TMCC1: variants seen among roughly 807,000 people sequenced by gnomAD.
TMCC1 encodes transmembrane and coiled-coil domains protein 1.
A neutral mutation model predicts 52.4 loss-of-function variants in TMCC1; 15 were observed. That is an observed-to-expected ratio of 0.29 (90% CI 0.19 to 0.44). TMCC1 has a LOEUF of 0.44. TMCC1 is among the 20% of genes least tolerant of loss of function. The pLI is 1.00. For synonymous variants in TMCC1, 279 were observed against 301.9 expected, an observed-to-expected ratio of 0.92 and a Z score of 0.79; for missense variants, 503 against 806.0, an observed-to-expected ratio of 0.62 and a Z score of 4.55.
chr3:129,675,396 C>T (rs2088331008), intron 4 of TMCC1, among the ~76,000 whole-genome samples: 2 of 152,196 alleles, frequency 1.3e-5, no homozygotes, highest in African/African-American at 4.8e-5. Flanking sequence ...TTAACCTCCG[C>T]ATCCATTTCA....
chr3:129,694,887 C>A (rs979919795), intron 4 of TMCC1, among the ~76,000 whole-genome samples: 3 of 151,772 alleles, frequency 2.0e-5, no homozygotes, highest in Non-Finnish European at 4.4e-5. Context: ...TGAATTATTT[C>A]TTGTGCGAGA....
chr3:129,819,279 C>T (rs1177742921), intron 4 of TMCC1, among the ~76,000 whole-genome samples: 2 of 152,090 alleles, frequency 1.3e-5, no homozygotes, highest in Non-Finnish European at 2.9e-5. Flanking sequence ...GACAGGGTTT[C>T]ACCATGTTGG....
intron 4 of TMCC1, among the ~76,000 whole-genome samples, chr3:129,673,488 C>T (rs1361030763): frequency 6.6e-6 from 1 of 152,146 alleles, no homozygotes; most frequent in African/African-American, 2.4e-5. Context: ...CTTCTGCATG[C>T]TCTAGTTATC....
intron 4 of TMCC1, among the ~76,000 whole-genome samples, chr3:129,798,112 C>A (rs1191134503): frequency 6.6e-6 from 1 of 151,898 alleles, no homozygotes; most frequent in Non-Finnish European, 1.5e-5. Flanking sequence ...TCTCCTGCCT[C>A]AGCCTCCCAA....
intron 4 of TMCC1, among the ~76,000 whole-genome samples, chr3:129,685,763 A>G (rs571163113): frequency 5.9e-5 from 9 of 152,368 alleles, no homozygotes; most frequent in Admixed American, 2.6e-4. Context: ...CCAAAAGGCT[A>G]CTTGACTATA....
chr3:129,695,203 G>C (rs531033491), intron 4 of TMCC1, among the ~76,000 whole-genome samples: 1 of 147,444 alleles, frequency 6.8e-6, no homozygotes, highest in East Asian at 2.0e-4. Flanking sequence ...ATTTATGGAA[G>C]ACCAAAATGG....
intron 4 of TMCC1, among the ~76,000 whole-genome samples, chr3:129,777,130 T>C (rs934048570): frequency 4.6e-5 from 7 of 152,206 alleles, no homozygotes; most frequent in African/African-American, 1.7e-4. Flanking sequence ...CTTCTCTAAG[T>C]GTGATTTGGA....
intron 2 of TMCC1, among the ~76,000 whole-genome samples, chr3:129,879,388 C>CTACG (rs1003574002): frequency 1.3e-5 from 2 of 152,126 alleles, no homozygotes; most frequent in Non-Finnish European, 2.9e-5. Context: ...TTGCTGTGAG[C>CTACG]TACGACTGCA....
At chr3:129,693,143 A>G (rs1254289171) in intron 4 of TMCC1, among the ~76,000 whole-genome samples, 1 of 152,198 alleles carries the variant, frequency 6.6e-6, no homozygotes, top group East Asian at 1.9e-4. Context: ...AACATGTTAA[A>G]ATTTTGGCAA....
chr3:129,763,207 A>AAAATAAT (rs2053765478), intron 4 of TMCC1, among the ~76,000 whole-genome samples: 1 of 131,378 alleles, frequency 7.6e-6, no homozygotes. Context: ...CAAAAAATAA[A>AAAATAAT]AAATAAATAA....
rs1000095699 is a variant in TMCC1 at position 129,700,265 on chromosome 3, C to T, written c.577-29001G>A. Among the ~76,000 whole-genome samples, 10 of 151,936 alleles carry T rather than the reference C, an allele frequency of 6.6e-5. No individual in the cohort carries two copies. In the South Asian group the frequency reaches 1.7e-3, roughly 25 times the overall value. On this transcript the variant is annotated intron_variant, in intron 4 of 6. Coordinates refer to ENST00000393238, the MANE Select transcript of TMCC1 (RefSeq NM_001017395.5). ...AAAAAATCTAATGTATTAAATAAAT[C>T]GGCATATTGCTAAATAAATCTGGGT...
intron 4 of TMCC1, among the ~76,000 whole-genome samples, chr3:129,808,479 C>T (rs1017185630): frequency 6.7e-6 from 1 of 150,064 alleles, no homozygotes; most frequent in East Asian, 1.9e-4. Context: ...AAGACTCCAT[C>T]TCAAATAATA....
At chr3:129,716,885 C>T (rs1159189485) in intron 4 of TMCC1, among the ~76,000 whole-genome samples, 1 of 152,162 alleles carries the variant, frequency 6.6e-6, no homozygotes, top group Non-Finnish European at 1.5e-5. Context: ...CTCTTTATAC[C>T]AGACCTCACT....
At chr3:129,765,461 T>TTA (rs1375481367) in intron 4 of TMCC1, among the ~76,000 whole-genome samples, 47 of 152,128 alleles carry the variant, frequency 3.1e-4, no homozygotes, top group Admixed American at 3.9e-4. Flanking sequence ...AGAGGTAGCT[T>TTA]TATAGTCTTT....
intron 5 of TMCC1, among the ~76,000 whole-genome samples, chr3:129,657,274 A>G (rs546862826): frequency 5.9e-5 from 9 of 152,322 alleles, no homozygotes; most frequent in African/African-American, 2.2e-4. Flanking sequence ...CTTCTTAGGA[A>G]TCTTATTTGA....
intron 4 of TMCC1, among the ~76,000 whole-genome samples, chr3:129,736,820 G>C (rs1273992052): frequency 5.3e-5 from 8 of 151,656 alleles, no homozygotes; most frequent in Admixed American, 5.3e-4. Flanking sequence ...GCGCCCGGCC[G>C]CAATTATTCA....
intron 4 of TMCC1, among the ~76,000 whole-genome samples, chr3:129,678,359 C>CT (rs71155564): frequency 0.9 from 105,763 of 117,180 alleles, 48,794 homozygotes; most frequent in Non-Finnish European, 0.97. Context: ...TTGTTTAATT[C>CT]TTTTTTTTTT....
chr3:129,803,238 T>C (rs1358995834), intron 4 of TMCC1, among the ~76,000 whole-genome samples: 2 of 152,210 alleles, frequency 1.3e-5, no homozygotes, highest in African/African-American at 4.8e-5. Context: ...CTTGAGGACA[T>C]TATGCTAAAT....
chr3:129,691,371 G>A (rs1576463461), intron 4 of TMCC1, among the ~76,000 whole-genome samples: 1 of 149,664 alleles, frequency 6.7e-6, no homozygotes, highest in South Asian at 2.1e-4. Flanking sequence ...CAATGAAAGG[G>A]AACAGCTCTT....
Sources: allele counts gnomAD v4.1 joint callset (sites outside exome capture counted in the v4.1 genomes callset), GRCh38; gene constraint gnomAD v4.1.1; transcripts MANE v1.5; gene names NCBI Gene and HGNC (gene_info 2026-07-23, HGNC 2026-07-21).